Variants in ATAD2B observed in about 807,000 individuals in gnomAD.
ATAD2B encodes the protein ATPase family AAA domain-containing protein 2B.
In ATAD2B, 40 loss-of-function variants were observed where a neutral mutation model predicts 167.6. The observed-to-expected ratio is 0.24, with a 90% CI of 0.19 to 0.31. The LOEUF is 0.31. ATAD2B is among the 10% of genes least tolerant of loss of function. The pLI is 1.00. For missense variants in ATAD2B, 1,242 were observed against 1,757.2 expected, an observed-to-expected ratio of 0.71 and a Z score of 5.24; for synonymous variants, 579 against 596.5, an observed-to-expected ratio of 0.97 and a Z score of 0.43.
the ATAD2B span, among the ~76,000 whole-genome samples, chr2:23,721,050 A>G: frequency 6.6e-6 from 1 of 150,970 alleles, no homozygotes; most frequent in African/African-American, 2.4e-5. Context: ...ACAGTAGGAG[A>G]CTGACTCCCA....
chr2:23,712,388 C>T, the ATAD2B span, among the ~76,000 whole-genome samples: 3 of 152,222 alleles, frequency 2.0e-5, no homozygotes, highest in Non-Finnish European at 2.9e-5. Context: ...TGGCTTTAAA[C>T]AGAAAACCTG....
intron 14 of ATAD2B, chr2:23,832,114 G>A (rs193241026): frequency 2.4e-4 from 98 of 402,580 alleles, no homozygotes; most frequent in Non-Finnish European, 4.5e-4. Context: ...AATGGACTTA[G>A]CAACACGTGA....
intron 22 of ATAD2B, among the ~76,000 whole-genome samples, chr2:23,780,266 CTTGTGT>C (rs1679810065): frequency 1.2e-5 from 1 of 83,196 alleles, no homozygotes; most frequent in Non-Finnish European, 2.4e-5. Flanking sequence ...AAAGTATATA[CTTGTGT>C]GTGTGTGTGT....
intron 8 of ATAD2B, 141 bp from the exon 9 acceptor site, chr2:23,869,902 T>A: frequency 1.6e-6 from 1 of 610,550 alleles, no homozygotes; most frequent in South Asian, 2.3e-5. Context: ...ACAATTTACA[T>A]GAAGTATAAA....
At chr2:23,881,610 C>T (rs1395991983) in intron 6 of ATAD2B, among the ~76,000 whole-genome samples, 3 of 152,268 alleles carry the variant, frequency 2.0e-5, no homozygotes, top group South Asian at 4.1e-4. Context: ...ATCAACCCCC[C>T]TCGGCCTCCC....
intron 1 of ATAD2B, among the ~76,000 whole-genome samples, chr2:23,921,109 GGCA>G (rs1434365861): frequency 6.7e-6 from 1 of 148,866 alleles, no homozygotes; most frequent in Non-Finnish European, 1.5e-5. Flanking sequence ...GGGAGGCTGA[GGCA>G]GCAGAATTGC....
intron 19 of ATAD2B, among the ~76,000 whole-genome samples, chr2:23,789,056 C>CT (rs1047494411): frequency 6.6e-6 from 1 of 151,518 alleles, no homozygotes; most frequent in African/African-American, 2.4e-5. Flanking sequence ...TTTGTACTCC[C>CT]TATCCATTGA....
chr2:23,851,920 A>AG, intron 13 of ATAD2B, among the ~76,000 whole-genome samples: 1 of 122,306 alleles, frequency 8.2e-6, no homozygotes, highest in Middle Eastern at 3.9e-3. Context: ...GGAGTAATCA[A>AG]GAAAAAAAAA....
At chr2:23,908,297 A>T in intron 1 of ATAD2B, among the ~76,000 whole-genome samples, 1 of 152,228 alleles carries the variant, frequency 6.6e-6, no homozygotes, top group Non-Finnish European at 1.5e-5. Context: ...TTTACAAGAA[A>T]AAAACAACCC....
chr2:23,690,706 G>A, the ATAD2B span: 1 of 152,238 alleles, frequency 6.6e-6, no homozygotes, highest in African/African-American at 2.4e-5. Flanking sequence ...CGCGGCAGGT[G>A]TTTTTACTCC....
At chr2:23,875,569 AT>A (rs1696704652) in intron 8 of ATAD2B, among the ~76,000 whole-genome samples, 1 of 152,110 alleles carries the variant, frequency 6.6e-6, no homozygotes, top group African/African-American at 2.4e-5. Flanking sequence ...AGGGGGAAAA[AT>A]ATCACAGATT....
intron 17 of ATAD2B, among the ~76,000 whole-genome samples, chr2:23,818,114 C>CATATT (rs1410158276): frequency 9.9e-6 from 1 of 100,626 alleles, no homozygotes; most frequent in Non-Finnish European, 2.1e-5. Flanking sequence ...CACACACACA[C>CATATT]ACACACATTA....
At chr2:23,887,589 T>C (rs953629191) in intron 4 of ATAD2B, among the ~76,000 whole-genome samples, 10 of 152,194 alleles carry the variant, frequency 6.6e-5, no homozygotes, top group Non-Finnish European at 1.3e-4. Flanking sequence ...AGTAAAGTTT[T>C]ACAGATGCAG....
intron 17 of ATAD2B, 115 bp from the exon 18 acceptor site, chr2:23,810,617 C>T: frequency 1.3e-6 from 1 of 793,148 alleles, no homozygotes; most frequent in Non-Finnish European, 2.0e-6. Flanking sequence ...ACAGAACTTT[C>T]CTATATTATT....
intron 13 of ATAD2B, 73 bp downstream of exon 13, chr2:23,857,342 G>A (rs1294239652): frequency 1.3e-6 from 1 of 792,488 alleles, no homozygotes; most frequent in East Asian, 3.2e-5. Context: ...ATAGCACTTA[G>A]CTAAGGGCTA....
intron 17 of ATAD2B, among the ~76,000 whole-genome samples, chr2:23,811,014 AAAACAAACAAACAAAC>A (rs139327555): frequency 0.12 from 18,646 of 150,760 alleles, 1,212 homozygotes; most frequent in Middle Eastern, 0.21. Context: ...TCCATCTCAA[AAAACAAACAAACAAAC>A]AAACAAACAA....
At chr2:23,838,917 G>A (rs1263508363) in intron 13 of ATAD2B, among the ~76,000 whole-genome samples, 4 of 152,054 alleles carry the variant, frequency 2.6e-5, no homozygotes, top group African/African-American at 9.7e-5. Context: ...TAGAAGAAAA[G>A]ATAATTGAAA....
chr2:23,782,537 T>C (rs1263673586), intron 22 of ATAD2B, among the ~76,000 whole-genome samples: 1 of 152,232 alleles, frequency 6.6e-6, no homozygotes, highest in Non-Finnish European at 1.5e-5. Flanking sequence ...CTGATCCTAT[T>C]ATGGATTTCC....
At chr2:23,686,647 G>T in the ATAD2B span, among the ~76,000 whole-genome samples, 2 of 152,068 alleles carry the variant, frequency 1.3e-5, no homozygotes, top group Non-Finnish European at 2.9e-5. Context: ...GGCCAGTGTC[G>T]GGAGAGCTGG....
Sources: gnomAD v4.1 joint callset for allele counts (sites outside exome capture counted in the v4.1 genomes callset) on GRCh38, gnomAD v4.1.1 for gene constraint, MANE v1.5 for transcripts, NCBI Gene and HGNC (gene_info 2026-07-23, HGNC 2026-07-21) for gene names.